Variants in FAM184A observed in about 807,000 individuals in gnomAD.
FAM184A encodes the protein protein FAM184A.
FAM184A carries 99 observed loss-of-function variants against 143.8 expected under a neutral mutation model. The ratio of observed to expected loss-of-function variants is 0.69; its 90% CI spans 0.58 to 0.81. The LOEUF is 0.81. FAM184A is among the 40% of genes least tolerant of loss of function. The probability of loss-of-function intolerance (pLI) is 0.00; values close to 1 mark genes in which losing one functional copy is unlikely to be tolerated. For missense variants in FAM184A, 1,217 were observed against 1,310.5 expected, an observed-to-expected ratio of 0.93 and a Z score of 1.10; for synonymous variants, 427 against 446.4, an observed-to-expected ratio of 0.96 and a Z score of 0.55.
chr6:119,032,383 C>A (rs914411883), intron 1 of FAM184A, among the ~76,000 whole-genome samples: 3 of 146,656 alleles, frequency 2.0e-5, no homozygotes, highest in African/African-American at 7.6e-5. Context: ...AATATTAGAC[C>A]TTTTTAATAA....
chr6:119,092,685 A>AAC (rs112665434), intron 1 of FAM184A, among the ~76,000 whole-genome samples: 1 of 151,664 alleles, frequency 6.6e-6, no homozygotes, highest in South Asian at 2.1e-4. Context: ...TTGGAGAGTT[A>AAC]ATATATATAT....
At chr6:118,986,187 G>A (rs1168126853) in intron 9 of FAM184A, among the ~76,000 whole-genome samples, 4 of 152,086 alleles carry the variant, frequency 2.6e-5, no homozygotes, top group Admixed American at 6.5e-5. Flanking sequence ...CAGCTACTTG[G>A]GAGGCTGAGG....
At chr6:119,039,660 T>A (rs1786245461) in intron 1 of FAM184A, among the ~76,000 whole-genome samples, 2 of 152,298 alleles carry the variant, frequency 1.3e-5, no homozygotes, top group East Asian at 3.9e-4. Context: ...GTATCATAGC[T>A]AGGCAAGACT....
chr6:119,011,800 A>G (rs1582501912), intron 5 of FAM184A, among the ~76,000 whole-genome samples: 1 of 152,302 alleles, frequency 6.6e-6, no homozygotes, highest in East Asian at 1.9e-4. Context: ...TGACACTTCT[A>G]CAAATCAGTG....
chr6:119,097,760 G>GTC (rs1414407235), intron 1 of FAM184A, among the ~76,000 whole-genome samples: 1 of 152,116 alleles, frequency 6.6e-6, no homozygotes, highest in South Asian at 2.1e-4. Context: ...AACAGAATCT[G>GTC]TCTCTCTCTT....
chr6:118,985,020 G>A (rs1784149373), intron 9 of FAM184A, among the ~76,000 whole-genome samples: 1 of 152,156 alleles, frequency 6.6e-6, no homozygotes, highest in South Asian at 2.1e-4. Context: ...AATCCCTAAG[G>A]GTAACTGGTG....
intron 11 of FAM184A, 85 bp downstream of exon 11, chr6:118,979,280 T>C (rs1372011304): frequency 3.8e-5 from 51 of 1,352,082 alleles, no homozygotes; most frequent in Non-Finnish European, 5.0e-5. Flanking sequence ...AATTTTAAAA[T>C]AAAACTTGGT....
chr6:119,036,560 C>T (rs1246903183), intron 1 of FAM184A, among the ~76,000 whole-genome samples: 2 of 151,828 alleles, frequency 1.3e-5, no homozygotes, highest in Non-Finnish European at 2.9e-5. Context: ...TCTGTTTCCC[C>T]AGATTTAACT....
intron 1 of FAM184A, among the ~76,000 whole-genome samples, chr6:119,065,756 T>C (rs371762616): frequency 6.6e-6 from 1 of 150,656 alleles, no homozygotes; most frequent in African/African-American, 2.5e-5. Context: ...CTCCTCAGAT[T>C]TGATATTTCT....
Position 119,097,742 on chromosome 6 carries a change from C to T in FAM184A, c.-202+51336G>A, listed in dbSNP as rs186432083. Among the ~76,000 whole-genome samples the T allele has an allele frequency of 4.4e-3, 667 of 152,254 alleles. 2 individuals carry two copies. The highest frequency in any genetic ancestry group is 7.2e-3 in the Non-Finnish European group (491 of 68,020). On this transcript the variant is annotated intron_variant, in intron 1 of 16. Coordinates refer to the FAM184A transcript ENST00000352896. Reference sequence around the variant, plus strand: ...CAATACTTTAGGCCTCAGAACTAGACCTTAGGAAACAGAATCTGTCTCTCT... The same window carrying T: ...CAATACTTTAGGCCTCAGAACTAGATCTTAGGAAACAGAATCTGTCTCTCT...
chr6:119,015,392 G>T (rs544016931), intron 5 of FAM184A, among the ~76,000 whole-genome samples: 9 of 152,294 alleles, frequency 5.9e-5, no homozygotes, highest in African/African-American at 2.2e-4. Flanking sequence ...CTGGGTGGGT[G>T]TGGGCTTGGC....
chr6:118,980,353 A>G lies in FAM184A; in HGVS notation c.2089-3T>C. ...AGATTCTGTTTCAGCAAGGAAATCT[A>G]TGCCCCAGAATGGTACACAATGAAG... On this transcript the variant is annotated splice_polypyrimidine_tract_variant and splice_region_variant and intron_variant, in intron 9 of 17. Transcript: ENST00000338891. 1.9e-6 allele frequency: 3 copies of G among 1,611,302 alleles called. No individual in the cohort carries two copies. Among genetic ancestry groups the G allele is most frequent in the Non-Finnish European group, 2.5e-6 (3 of 1,177,862 alleles).
chr6:119,054,784 A>G (rs897763453), intron 1 of FAM184A, among the ~76,000 whole-genome samples: 1 of 152,162 alleles, frequency 6.6e-6, no homozygotes, highest in Non-Finnish European at 1.5e-5. Flanking sequence ...AGGCAGAGAA[A>G]TTCACATAGA....
intron 1 of FAM184A, among the ~76,000 whole-genome samples, chr6:119,033,401 C>T (rs1411240614): frequency 2.0e-5 from 3 of 152,098 alleles, no homozygotes; most frequent in African/African-American, 7.2e-5. Context: ...TGCGGTGGCT[C>T]ACGCCTGTAA....
In FAM184A at chr6:119,024,175, C is replaced by T. The variant is rs757251874; in HGVS notation, c.798G>A (p.Leu266=). 1.9e-6 allele frequency: 3 copies of T among 1,614,078 alleles called. No homozygotes were observed. Among genetic ancestry groups the T allele is most frequent in the Non-Finnish European group, 2.5e-6 (3 of 1,180,038 alleles). ...CTGCTGTAAAAAGCTGTGACCTTTT[C>T]AAAGTATCAAGCTCACGTTCATAAA... The part of the protein sequence containing the change: ...QSFYERELDT[L]KRSQLFTAES... Residue 266 remains leucine (L), a synonymous_variant, in exon 2 of 18, where the codon TTG becomes TTA. Transcript: ENST00000338891.
intron 1 of FAM184A, chr6:119,069,281 C>G (rs1787592156): frequency 5.9e-6 from 1 of 169,598 alleles, no homozygotes. Context: ...TTTTATTACT[C>G]TGAGTAGACC....
intron 1 of FAM184A, among the ~76,000 whole-genome samples, chr6:119,136,330 C>T (rs1789666533): frequency 6.8e-6 from 1 of 148,114 alleles, no homozygotes; most frequent in South Asian, 2.2e-4. Context: ...AAGTATACCA[C>T]ATTTTTTTCT....
chr6:118,981,905 T>C (rs778420895), intron 9 of FAM184A, among the ~76,000 whole-genome samples: 3 of 152,214 alleles, frequency 2.0e-5, no homozygotes, highest in Non-Finnish European at 4.4e-5. Context: ...TATTAATTTC[T>C]ACAAAAACCT....
In FAM184A at chr6:119,078,114, C is replaced by T. The variant is rs1288154450; in HGVS notation, c.159+27G>A. The T allele has an allele frequency of 1.3e-6, 2 of 1,562,816 alleles. No individual in the cohort carries two copies. Among genetic ancestry groups the T allele is most frequent in the African/African-American group, 1.4e-5 (1 of 73,192 alleles). The stretch of plus-strand genomic sequence containing the variant: ...TCCGGCGCGGCCCGCACGGGGTCGC[C>T]ACCTGCCCCGTCGCTGCCCCCCTTA... On this transcript the variant is annotated intron_variant, in intron 1 of 17. Transcript: ENST00000338891. This position sits in a 1 kb window ranked among gnomAD's most constrained non-coding sequence, Gnocchi z 5.5.
Sources: allele counts gnomAD v4.1 joint callset (sites outside exome capture counted in the v4.1 genomes callset), GRCh38; gene constraint gnomAD v4.1.1; non-coding constraint Gnocchi (gnomAD v3.1); transcripts MANE v1.5; gene names NCBI Gene and HGNC (gene_info 2026-07-23, HGNC 2026-07-21).